Variants in RTN4IP1 observed in about 807,000 individuals in gnomAD.
RTN4IP1 encodes reticulon 4 interacting protein 1, also known as NAD(P)H oxidoreductase RTN4IP1, mitochondrial.
RTN4IP1 carries 32 observed loss-of-function variants against 46.6 expected under a neutral mutation model. The ratio of observed to expected loss-of-function variants is 0.69; its 90% CI spans 0.52 to 0.92. The LOEUF (loss-of-function observed/expected upper bound fraction) is 0.92, where lower values mean the gene tolerates loss of function less well. Among genes scored for constraint, RTN4IP1 ranks in the 40% least tolerant of loss-of-function variants. RTN4IP1 has a pLI of 0.00. For missense variants in RTN4IP1, 424 were observed against 485.8 expected, an observed-to-expected ratio of 0.87 and a Z score of 1.20; for synonymous variants, 167 against 161.8, an observed-to-expected ratio of 1.03 and a Z score of -0.24.
rs1045905464 is a variant in RTN4IP1 at position 106,589,855 on chromosome 6, G to A, written c.807-1993C>T. Among the ~76,000 whole-genome samples, 14 of 152,122 alleles carry A rather than the reference G, an allele frequency of 9.2e-5. No homozygotes were observed. In the East Asian group the frequency reaches 1.5e-3, roughly 17 times the overall value. Reference sequence around the variant, plus strand: ...GTAACGGCATGCATTTATAAGTCACGAAGTTCCCCCTACTAGAAAAGTACA... The same window carrying A: ...GTAACGGCATGCATTTATAAGTCACAAAGTTCCCCCTACTAGAAAAGTACA... On this transcript the variant is annotated intron_variant, in intron 6 of 8. Transcript: ENST00000369063.
intron 1 of RTN4IP1, among the ~76,000 whole-genome samples, chr6:106,627,743 C>CTTTTTTTTTTTTT (rs759953237): frequency 3.8e-5 from 2 of 52,964 alleles, no homozygotes; most frequent in African/African-American, 1.3e-4. Context: ...CATTTCAATG[C>CTTTTTTTTTTTTT]TTTTTTTTTT....
At chr6:106,620,461 T>C (rs925515943) in intron 3 of RTN4IP1, among the ~76,000 whole-genome samples, 1 of 152,154 alleles carries the variant, frequency 6.6e-6, no homozygotes, top group Non-Finnish European at 1.5e-5. Flanking sequence ...TATTAGCAGT[T>C]AAGTTTTAGG....
At chr6:106,587,538 C>A in intron 7 of RTN4IP1, 141 bp downstream of exon 7, 1 of 693,586 alleles carries the variant, frequency 1.4e-6, no homozygotes, top group Non-Finnish European at 2.4e-6. Flanking sequence ...GATTTTGAAG[C>A]CAGTCACTGT....
chr6:106,621,139 T>C (rs1166802272), intron 3 of RTN4IP1, among the ~76,000 whole-genome samples: 1 of 152,094 alleles, frequency 6.6e-6, no homozygotes, highest in African/African-American at 2.4e-5. Flanking sequence ...ACTGCCTATA[T>C]CTGTTTTCAA....
chr6:106,603,251 C>T (rs748882922), intron 4 of RTN4IP1, among the ~76,000 whole-genome samples: 15 of 152,258 alleles, frequency 9.9e-5, no homozygotes, highest in Non-Finnish European at 2.2e-4. Flanking sequence ...TTAGAGCTTC[C>T]TCTATGAGAG....
intron 1 of RTN4IP1, among the ~76,000 whole-genome samples, chr6:106,625,014 C>G (rs1377966995): frequency 6.7e-6 from 1 of 148,296 alleles, no homozygotes; most frequent in East Asian, 2.0e-4. Flanking sequence ...AAACTGAAAA[C>G]ATTCTTTTAA....
intron 7 of RTN4IP1, chr6:106,583,643 C>G (rs1775420096): frequency 4.5e-6 from 2 of 440,748 alleles, no homozygotes; most frequent in Admixed American, 3.5e-5. Context: ...CCATGTCACT[C>G]AGGCTCCTTC....
rs116072691 is a variant in RTN4IP1, at chr6:106,583,324, G to A, written c.1083+4C>T. 8.1e-6 allele frequency: 13 copies of A among 1,611,554 alleles called. No homozygotes were observed. Among genetic ancestry groups the A allele is most frequent in the African/African-American group, 2.7e-5 (2 of 74,966 alleles). On this transcript the variant is annotated splice_donor_region_variant and intron_variant, in intron 8 of 8. Transcript: ENST00000369063. Reference sequence around the variant, plus strand: ...TTCCAATCCAGGTTTCCAGGTGCACGTACCTTTCCCGCATCCACCAGTTCT... The same window carrying A: ...TTCCAATCCAGGTTTCCAGGTGCACATACCTTTCCCGCATCCACCAGTTCT...
chr6:106,585,828 G>A (rs562220975), intron 7 of RTN4IP1, among the ~76,000 whole-genome samples: 171 of 152,272 alleles, frequency 1.1e-3, no homozygotes, highest in African/African-American at 3.7e-3. Flanking sequence ...TACTCTCCGA[G>A]GACAACTCTG....
In RTN4IP1 at chr6:106,629,046, C is replaced by T. The variant is rs763145368; in HGVS notation, c.-25G>A. On this transcript the variant is annotated 5_prime_UTR_variant, in exon 1 of 9. Transcript: ENST00000369063. ...TTGTAAACACTGGTTGAACTGCGTG[C>T]TCAAATTCAAATACACTTGGACTGG... 31 of 1,589,692 alleles carry T rather than the reference C, an allele frequency of 2.0e-5. No homozygotes were observed. Among genetic ancestry groups the T allele is most frequent in the Non-Finnish European group, 2.3e-5 (27 of 1,167,236 alleles).
chr6:106,627,948 G>C (rs1776692536), intron 1 of RTN4IP1, among the ~76,000 whole-genome samples: 1 of 143,906 alleles, frequency 6.9e-6, no homozygotes, highest in African/African-American at 2.6e-5. Flanking sequence ...CATGTCTGTA[G>C]TCCCAGCTAC....
chr6:106,577,730 G>C (rs550676822), intron 8 of RTN4IP1, among the ~76,000 whole-genome samples: 3 of 152,228 alleles, frequency 2.0e-5, no homozygotes, highest in African/African-American at 7.2e-5. Context: ...AGTGGGCCCA[G>C]TGTAATCTCA....
chr6:106,579,158 C>G (rs909859637), intron 8 of RTN4IP1, among the ~76,000 whole-genome samples: 26 of 151,902 alleles, frequency 1.7e-4, no homozygotes, highest in Non-Finnish European at 2.9e-5. Flanking sequence ...ATCGCTTGAA[C>G]CCAGGAGATG....
At chr6:106,619,107 G>A (rs1458142522) in intron 4 of RTN4IP1, 95 bp downstream of exon 4, 2 of 1,355,034 alleles carry the variant, frequency 1.5e-6, no homozygotes, top group African/African-American at 1.5e-5. Flanking sequence ...TCGTGTAAAT[G>A]ATACTAAATT....
At chr6:106,589,187 G>GAAGGAGGAGGAGAA (rs1417898756) in intron 6 of RTN4IP1, among the ~76,000 whole-genome samples, 1 of 9,834 alleles carries the variant, frequency 1.0e-4, no homozygotes, top group Non-Finnish European at 2.9e-4. Context: ...AGGAGGAGGA[G>GAAGGAGGAGGAGAA]GGAGGAGGAG....
intron 8 of RTN4IP1, among the ~76,000 whole-genome samples, chr6:106,580,701 A>C (rs1775346577): frequency 6.7e-6 from 1 of 150,146 alleles, no homozygotes; most frequent in Non-Finnish European, 1.5e-5. Context: ...CCTCGGCGAC[A>C]GAGCAAGACT....
rs1356783313 is a variant in RTN4IP1 at position 106,572,041 on chromosome 6, C to T, written c.1146G>A (p.Val382=). 1 of 1,613,972 alleles carries T rather than the reference C, an allele frequency of 6.2e-7. No individual in the cohort carries two copies. The highest frequency in any genetic ancestry group is 1.7e-5 in the Admixed American group (1 of 60,014). Residue 382 remains valine, a synonymous_variant, in exon 9 of 9, where the codon GTG becomes GTA. Transcript: ENST00000369063. ...FSKVPEAFLK[V]ERGHARGKTV... ...TCTTTCCTCGTGCGTGTCCTCTTTC[C>T]ACCTTCAGGAAGGCTTCTGGAACTT... is the stretch of plus-strand genomic sequence containing the variant.
chr6:106,605,195 G>A (rs1408583227), intron 4 of RTN4IP1, among the ~76,000 whole-genome samples: 1 of 152,156 alleles, frequency 6.6e-6, no homozygotes, highest in East Asian at 1.9e-4. Flanking sequence ...CAGCACATTG[G>A]GAAGCCGAGG....
chr6:106,587,675 C>T lies in RTN4IP1; in HGVS notation c.990+4G>A. On this transcript the variant is annotated splice_donor_region_variant and intron_variant, in intron 7 of 8. Transcript: ENST00000369063. The stretch of plus-strand genomic sequence containing the variant: ...CAGTCACCAACCAAGACCCTTCTTC[C>T]TACCTTTAATGCCTTTGAACCTACA... 1 of 1,604,564 alleles carries T rather than the reference C, an allele frequency of 6.2e-7. No individual in the cohort carries two copies. The highest frequency in any genetic ancestry group is 2.2e-5 in the East Asian group (1 of 44,664).
Sources: allele counts gnomAD v4.1 joint callset (sites outside exome capture counted in the v4.1 genomes callset), GRCh38; gene constraint gnomAD v4.1.1; transcripts MANE v1.5; gene names NCBI Gene and HGNC (gene_info 2026-07-23, HGNC 2026-07-21).